Variants in ANKRD17 observed in about 807,000 individuals in gnomAD.
ANKRD17 encodes ankyrin repeat domain 17.
ANKRD17 carries 19 observed loss-of-function variants against 229.7 expected under a neutral mutation model. The ratio of observed to expected loss-of-function variants is 0.08; its 90% confidence interval spans 0.06 to 0.12. The LOEUF is 0.12. Among genes scored for constraint, ANKRD17 ranks in the 10% least tolerant of loss-of-function variants. The pLI, the probability that ANKRD17 is intolerant of heterozygous loss-of-function variation, is 1.00. For missense variants in ANKRD17, 2,176 were observed against 3,176.8 expected (o/e 0.68, Z 7.57); for synonymous variants, 1,112 against 1,146.1 (o/e 0.97, Z 0.60).
At chr4:73,115,726 C>T in intron 23 of ANKRD17, 95 bp downstream of exon 23, 1 of 887,492 alleles carries the variant, frequency 1.1e-6, no homozygotes, top group Non-Finnish European at 1.8e-6. Context: ...AAAATGGCTA[C>T]ATATTACACT....
At chr4:73,088,919 T>C (rs952867565) in intron 29 of ANKRD17, among the ~76,000 whole-genome samples, 7 of 152,346 alleles carry the variant, frequency 4.6e-5, no homozygotes, top group East Asian at 3.9e-4. Context: ...AATTCTGTCA[T>C]TGTAGCATAA....
intron 18 of ANKRD17, 66 bp downstream of exon 18, chr4:73,124,847 T>C: frequency 6.4e-7 from 1 of 1,551,136 alleles, no homozygotes; most frequent in South Asian, 1.2e-5. Context: ...GAAAAAATAA[T>C]ATAAGTGAAA....
At chr4:73,095,609 A>G (rs1723211684) in intron 27 of ANKRD17, among the ~76,000 whole-genome samples, 1 of 152,004 alleles carries the variant, frequency 6.6e-6, no homozygotes, top group Non-Finnish European at 1.5e-5. Context: ...TCTCAAAAAA[A>G]AAAAAAAAAA....
chr4:73,166,105 T>A (rs1292284566), intron 2 of ANKRD17, among the ~76,000 whole-genome samples: 1 of 152,200 alleles, frequency 6.6e-6, no homozygotes, highest in Non-Finnish European at 1.5e-5. Flanking sequence ...TATGCTGCAA[T>A]AGAAAACTAA....
At chr4:73,236,686 A>G (rs1743546478) in intron 1 of ANKRD17, among the ~76,000 whole-genome samples, 2 of 152,214 alleles carry the variant, frequency 1.3e-5, no homozygotes, top group South Asian at 4.1e-4. Flanking sequence ...CTTCATTCCA[A>G]AATAGTATAT....
chr4:73,248,429 T>C (rs1345091920), intron 1 of ANKRD17, among the ~76,000 whole-genome samples: 3 of 152,042 alleles, frequency 2.0e-5, no homozygotes. Flanking sequence ...TCTTCACAGT[T>C]TTAAATTATT....
rs1722836010 is a variant in ANKRD17 at position 73,091,953 on chromosome 4, T to C, written c.5675A>G (p.His1892Arg). The C allele has an allele frequency of 5.0e-6, 8 of 1,614,074 alleles. No individual in the cohort carries two copies. The highest frequency in any genetic ancestry group is 1.6e-4 in the Middle Eastern group (1 of 6,084). Residue 1892 changes from histidine (H) to arginine (R), a missense_variant, in exon 29 of 34, where the codon CAT (histidine) becomes CGT (arginine). By Grantham distance (29) the His-to-Arg change is conservative. Transcript: ENST00000358602. ...GAAAGTCTGAGCAGCAAGCAAAGCATGTGCAAACTGTGGAGGAGGATATGC... is the reference window on the plus strand; with the variant it reads ...GAAAGTCTGAGCAGCAAGCAAAGCACGTGCAAACTGTGGAGGAGGATATGC... ...PLAYPPPQFA[H>R]ALLAAQTFQQ... is the part of the protein sequence containing the mutation.
At chr4:73,094,523 T>C (rs1723092349) in intron 27 of ANKRD17, among the ~76,000 whole-genome samples, 1 of 152,104 alleles carries the variant, frequency 6.6e-6, no homozygotes, top group South Asian at 2.1e-4. Context: ...GCTGTGCTAA[T>C]GCAAATACTA....
chr4:73,239,235 G>A (rs187321644), intron 1 of ANKRD17, among the ~76,000 whole-genome samples: 2 of 152,204 alleles, frequency 1.3e-5, no homozygotes, highest in East Asian at 1.9e-4. Flanking sequence ...TTAAAATACA[G>A]TGCTGACACA....
chr4:73,208,300 A>C (rs183160910), intron 1 of ANKRD17, among the ~76,000 whole-genome samples: 35 of 152,288 alleles, frequency 2.3e-4, no homozygotes, highest in African/African-American at 7.5e-4. Context: ...CCCATAAAAA[A>C]CTCATTCAAC....
At chr4:73,214,334 T>G (rs1049221574) in intron 1 of ANKRD17, among the ~76,000 whole-genome samples, 2 of 152,194 alleles carry the variant, frequency 1.3e-5, no homozygotes, top group African/African-American at 4.8e-5. Context: ...AATCTTACTT[T>G]TACTCCCTTA....
intron 2 of ANKRD17, among the ~76,000 whole-genome samples, chr4:73,162,016 T>C (rs917987172): frequency 1.3e-5 from 2 of 151,530 alleles, no homozygotes; most frequent in African/African-American, 4.9e-5. Context: ...GCTGGAATTA[T>C]AGGCTCACAC....
chr4:73,149,152 C>T lies in ANKRD17; in HGVS notation c.1330-102G>A, dbSNP rs922698212. ...CTATACAATGAAGTTTATCTATCTCCACTCAAAAAGGAATAGAGCTACATT... is the reference window on the plus strand; with the variant it reads ...CTATACAATGAAGTTTATCTATCTCTACTCAAAAAGGAATAGAGCTACATT... On this transcript the variant is annotated intron_variant, in intron 7 of 33. Transcript: ENST00000358602. 6 of 930,460 alleles carry T rather than the reference C, an allele frequency of 6.4e-6. No individual in the cohort carries two copies. The African/African-American group carries it at 8.4e-5, about 13-fold the overall frequency. 57.6% of individuals were successfully genotyped at this position (930,460 alleles called of 1,614,324 possible). A position where few individuals can be genotyped will look rare whatever the true frequency, so the allele number is the denominator to read the frequency against.
At chr4:73,135,752 C>A (rs1218072168) in intron 15 of ANKRD17, among the ~76,000 whole-genome samples, 2 of 152,088 alleles carry the variant, frequency 1.3e-5, no homozygotes, top group African/African-American at 4.8e-5. Context: ...ATTTAAAACA[C>A]CGCCATACTG....
At chr4:73,246,237 A>G (rs934117527) in intron 1 of ANKRD17, among the ~76,000 whole-genome samples, 1 of 152,200 alleles carries the variant, frequency 6.6e-6, no homozygotes, top group Non-Finnish European at 1.5e-5. Flanking sequence ...TTCATTATTA[A>G]TATGTACCAA....
intron 1 of ANKRD17, among the ~76,000 whole-genome samples, chr4:73,184,828 G>A (rs1295985144): frequency 1.3e-5 from 2 of 152,168 alleles, no homozygotes; most frequent in Non-Finnish European, 2.9e-5. Context: ...AATTATGAAT[G>A]AGAGTGCTAA....
At chr4:73,151,887 G>A (rs758298721) in intron 6 of ANKRD17, among the ~76,000 whole-genome samples, 1 of 152,124 alleles carries the variant, frequency 6.6e-6, no homozygotes, top group African/African-American at 2.4e-5. Flanking sequence ...CTAGTAGCCT[G>A]AGATAATGAT....
chr4:73,143,294 G>A (rs571317001), intron 11 of ANKRD17, among the ~76,000 whole-genome samples: 4 of 152,044 alleles, frequency 2.6e-5, no homozygotes, highest in South Asian at 2.1e-4. Flanking sequence ...TAATTTATTC[G>A]TTTGTTGTTT....
chr4:73,130,389 A>C (rs944382761), intron 16 of ANKRD17, among the ~76,000 whole-genome samples: 1 of 152,172 alleles, frequency 6.6e-6, no homozygotes, highest in Non-Finnish European at 1.5e-5. Context: ...TCTCATGTTA[A>C]ATCACTGTGA....
Sources: gnomAD v4.1 joint callset for allele counts (sites outside exome capture counted in the v4.1 genomes callset) on GRCh38, gnomAD v4.1.1 for gene constraint, MANE v1.5 for transcripts, NCBI Gene and HGNC (gene_info 2026-07-23, HGNC 2026-07-21) for gene names.